The following SMARCA2 variants were observed in gnomAD, a reference collection of about 807,000 sequenced individuals.
The protein encoded by SMARCA2 is SWI/SNF related BAF chromatin remodeling complex subunit ATPase 2, also known as SWI/SNF-related matrix-associated actin-dependent regulator of chromatin subfamily A member 2.
A neutral mutation model predicts 199.8 loss-of-function variants in SMARCA2; 61 were observed. The observed-to-expected ratio is 0.31, with a 90% CI of 0.25 to 0.38. The LOEUF is 0.38. Among genes scored for constraint, SMARCA2 ranks in the 10% least tolerant of loss-of-function variants. SMARCA2 has a pLI of 1.00. For missense variants in SMARCA2, 1,344 were observed against 2,012.2 expected, an observed-to-expected ratio of 0.67 and a Z score of 6.35; for synonymous variants, 935 against 732.0, an observed-to-expected ratio of 1.28 and a Z score of -4.48.
chr9:2,057,507 T>G (rs1330961867), intron 7 of SMARCA2, among the ~76,000 whole-genome samples: 5 of 152,170 alleles, frequency 3.3e-5, no homozygotes, highest in African/African-American at 1.2e-4. Flanking sequence ...TGGGCATAGG[T>G]GGATTTCCTA....
At position 2,016,408 on chromosome 9, in the gene SMARCA2, G is replaced by C. The variant is rs1270643312; in HGVS notation, c.-37+1004G>C. 4 of 152,326 alleles carry C rather than the reference G, an allele frequency of 2.6e-5. No homozygotes were observed. Among genetic ancestry groups the C allele is most frequent in the African/African-American group, 9.6e-5 (4 of 41,458 alleles). 9.4% of individuals were successfully genotyped at this position (152,326 alleles called of 1,614,324 possible). ...GGTGCCCGCCAGCCTCCGTTACCCT[G>C]CCCTCCCTCTCCCCGGGTCCGTGTT... is the stretch of plus-strand genomic sequence containing the variant. On this transcript the variant is annotated intron_variant, in intron 1 of 33. Transcript: ENST00000349721. The surrounding 1 kb of genome is among the most constrained non-coding windows in gnomAD (Gnocchi z 5.6).
At chr9:2,131,921 G>C (rs187325897) in intron 27 of SMARCA2, among the ~76,000 whole-genome samples, 239 of 132,492 alleles carry the variant, frequency 1.8e-3, no homozygotes, top group Non-Finnish European at 2.8e-3. Flanking sequence ...CCTGGCGACA[G>C]AGCAAAACTC....
At chr9:2,026,741 C>A (rs561072966) in intron 1 of SMARCA2, among the ~76,000 whole-genome samples, 1 of 152,278 alleles carries the variant, frequency 6.6e-6, no homozygotes, top group African/African-American at 2.4e-5. Context: ...TATTAGTGTG[C>A]TCATATACAT....
chr9:2,153,853 T>C (rs1457498164), intron 27 of SMARCA2, among the ~76,000 whole-genome samples: 2 of 152,098 alleles, frequency 1.3e-5, no homozygotes, highest in African/African-American at 4.8e-5. Flanking sequence ...TTGCTGGAAG[T>C]GTGTTTATCT....
intron 25 of SMARCA2, among the ~76,000 whole-genome samples, chr9:2,118,163 A>G (rs1020614124): frequency 6.6e-6 from 1 of 152,224 alleles, no homozygotes; most frequent in Non-Finnish European, 1.5e-5. Context: ...GAAGCGGGAC[A>G]TCTGTTCACC....
At chr9:2,143,752 T>C (rs1455411076) in intron 27 of SMARCA2, among the ~76,000 whole-genome samples, 2 of 152,126 alleles carry the variant, frequency 1.3e-5, no homozygotes, top group African/African-American at 4.8e-5. Context: ...ATTTGCTTGG[T>C]TGAAGGAAAA....
chr9:2,191,453 C>T (rs781754816), intron 33 of SMARCA2, 45 bp downstream of exon 33: 1 of 1,605,610 alleles, frequency 6.2e-7, no homozygotes, highest in Non-Finnish European at 8.5e-7. Flanking sequence ...GCCCTCTCCC[C>T]TGCTTGCTGG....
chr9:2,134,658 G>T (rs910527423), intron 27 of SMARCA2, among the ~76,000 whole-genome samples: 10 of 152,168 alleles, frequency 6.6e-5, no homozygotes, highest in African/African-American at 1.7e-4. Flanking sequence ...ACCTTCCTGG[G>T]TTGTTATGGA....
chr9:2,052,799 T>C (rs1820182303), intron 5 of SMARCA2, among the ~76,000 whole-genome samples: 2 of 152,156 alleles, frequency 1.3e-5, no homozygotes, highest in Admixed American at 1.3e-4. Context: ...GTTTCACTTT[T>C]TCACGTTAAT....
intron 27 of SMARCA2, among the ~76,000 whole-genome samples, chr9:2,125,489 CTT>C (rs60942071): frequency 1.5e-4 from 19 of 129,734 alleles, no homozygotes; most frequent in Non-Finnish European, 1.3e-4. Context: ...CTGGGCCAAC[CTT>C]TTTTTTTTTT....
In SMARCA2 at chr9:2,170,462, G is replaced by A; in HGVS notation, c.4243G>A (p.Glu1415Lys). 1.2e-6 allele frequency: 2 copies of A among 1,614,116 alleles called. No individual in the cohort carries two copies. The highest frequency in any genetic ancestry group is 1.7e-6 in the Non-Finnish European group (2 of 1,179,990). ...KVPSNSQLEIEGNSSGRQLSE... is the reference protein window; with the variant it reads ...KVPSNSQLEIKGNSSGRQLSE... Reference sequence around the variant, plus strand: ...GCCCAGTAATTCTCAGTTGGAAATAGAAGGAAACAGGTCAGGATCTGTCTT... The same window carrying A: ...GCCCAGTAATTCTCAGTTGGAAATAAAAGGAAACAGGTCAGGATCTGTCTT... Residue 1415 changes from glutamate to lysine, a missense_variant, in exon 29 of 34, where the codon GAA becomes AAA. Around this residue, in one of 18 missense-constraint regions of SMARCA2, gnomAD observed 151 missense variants for 154.0 expected, o/e 0.98. Transcript: ENST00000349721. This position sits in a 1 kb window ranked among gnomAD's most constrained non-coding sequence, Gnocchi z 4.7.
At chr9:2,062,032 T>G (rs906593190) in intron 9 of SMARCA2, among the ~76,000 whole-genome samples, 3 of 152,152 alleles carry the variant, frequency 2.0e-5, no homozygotes, top group Non-Finnish European at 4.4e-5. Flanking sequence ...TTATAGACTG[T>G]GCAAAACTCC....
chr9:2,128,005 A>G (rs994438286), intron 27 of SMARCA2, among the ~76,000 whole-genome samples: 6 of 151,978 alleles, frequency 3.9e-5, no homozygotes, highest in Non-Finnish European at 5.9e-5. Flanking sequence ...TGAAATTCCT[A>G]TTTCCACTGA....
rs1307403685 is a variant in SMARCA2 at position 2,191,274 on chromosome 9, G to C, written c.4603G>C (p.Val1535Leu). The change falls in exon 33 of 34, where the codon GTC becomes CTC. Residue 1535 changes from valine (V) to leucine (L), a missense_variant. Val to Leu is a conservative substitution (Grantham distance 32, BLOSUM62 1). Transcript: ENST00000349721. ...ATTTGCTTTGGTTTTAGCAAAATCA[G>C]TCAAGGTGAAAATTAAGCTCAATAA... ...EEESESEAKS[V>L]KVKIKLNKKD... 6.2e-7 allele frequency: 1 copy of C among 1,613,912 alleles called. No individual in the cohort carries two copies. Among genetic ancestry groups the C allele is most frequent in the Non-Finnish European group, 8.5e-7 (1 of 1,179,976 alleles).
At chr9:2,174,899 T>TG (rs1826456938) in intron 29 of SMARCA2, among the ~76,000 whole-genome samples, 1 of 108,614 alleles carries the variant, frequency 9.2e-6, no homozygotes, top group Non-Finnish European at 1.7e-5. Context: ...CAGTCCAGCC[T>TG]GGGGGACAGA....
chr9:2,191,093 A>G (rs1827846866), intron 32 of SMARCA2, among the ~76,000 whole-genome samples, 173 bp from the exon 33 acceptor site: 1 of 152,182 alleles, frequency 6.6e-6, no homozygotes, highest in Non-Finnish European at 1.5e-5. Context: ...ACAGGTTGGC[A>G]AGTGAAAGGG....
At chr9:2,024,910 A>G (rs1242785060) in intron 1 of SMARCA2, among the ~76,000 whole-genome samples, 2 of 152,216 alleles carry the variant, frequency 1.3e-5, no homozygotes, top group Non-Finnish European at 2.9e-5. Flanking sequence ...TAGGAAACAC[A>G]TGTAGGTGTG....
chr9:2,125,489 C>CT (rs60942071), intron 27 of SMARCA2, among the ~76,000 whole-genome samples: 20,836 of 129,740 alleles, frequency 0.16, 2,507 homozygotes, highest in East Asian at 0.36. Flanking sequence ...CTGGGCCAAC[C>CT]TTTTTTTTTT....
chr9:2,034,657 G>C (rs899234045), intron 3 of SMARCA2, among the ~76,000 whole-genome samples: 6 of 152,206 alleles, frequency 3.9e-5, no homozygotes, highest in Non-Finnish European at 8.8e-5. Context: ...CCACTCGAGG[G>C]AAGACTTTTG....
Sources: allele counts gnomAD v4.1 joint callset (sites outside exome capture counted in the v4.1 genomes callset), GRCh38; gene constraint gnomAD v4.1.1; regional missense constraint gnomAD v4.1.1; non-coding constraint Gnocchi (gnomAD v3.1); transcripts MANE v1.5; gene names NCBI Gene and HGNC (gene_info 2026-07-23, HGNC 2026-07-21).